NLGN1: variants seen among roughly 807,000 people sequenced by gnomAD.
NLGN1 encodes neuroligin-1.
In NLGN1, 12 loss-of-function variants were observed where a neutral mutation model predicts 65.5. The observed-to-expected ratio is 0.18, with a 90% CI of 0.12 to 0.30. The LOEUF (loss-of-function observed/expected upper bound fraction) is 0.30. NLGN1 is among the 10% of genes least tolerant of loss of function. The pLI, the probability that NLGN1 is intolerant of heterozygous loss-of-function variation, is 1.00. For missense variants in NLGN1, 750 were observed against 1,007.1 expected (o/e 0.74, Z 3.46); for synonymous variants, 350 against 359.5 (o/e 0.97, Z 0.30).
intron 1 of NLGN1, among the ~76,000 whole-genome samples, chr3:173,431,977 A>T (rs1286239408): frequency 6.6e-6 from 1 of 152,190 alleles, no homozygotes; most frequent in Non-Finnish European, 1.5e-5. Flanking sequence ...CTGAAATCAT[A>T]TGGTGGGTAA....
intron 2 of NLGN1, among the ~76,000 whole-genome samples, chr3:173,446,993 A>T (rs183158540): frequency 0.017 from 2,631 of 151,714 alleles, 84 homozygotes; most frequent in African/African-American, 0.058. Context: ...GGTTGCAAAA[A>T]TTTTCTCCCA....
downstream of NLGN1, among the ~76,000 whole-genome samples, chr3:174,288,808 C>G (rs1030612387): frequency 6.6e-6 from 1 of 151,440 alleles, no homozygotes; most frequent in Non-Finnish European, 1.5e-5. Flanking sequence ...ATATAACTTG[C>G]AATACTATTA....
chr3:173,987,683 G>A (rs1167260188), intron 4 of NLGN1, among the ~76,000 whole-genome samples: 1 of 152,028 alleles, frequency 6.6e-6, no homozygotes, highest in Non-Finnish European at 1.5e-5. Flanking sequence ...AAGTCACTCG[G>A]TACCCTTCTG....
At chr3:173,637,447 C>G (rs1311980878) in intron 3 of NLGN1, among the ~76,000 whole-genome samples, 1 of 152,092 alleles carries the variant, frequency 6.6e-6, no homozygotes, top group Non-Finnish European at 1.5e-5. Context: ...ATTTTTACCA[C>G]TATTTCTTTC....
intron 3 of NLGN1, among the ~76,000 whole-genome samples, chr3:173,730,599 G>T (rs1340426692): frequency 6.6e-6 from 1 of 151,918 alleles, no homozygotes; most frequent in East Asian, 1.9e-4. Flanking sequence ...AGTAGCTAGT[G>T]GTCACTGTAC....
At chr3:173,789,469 C>T (rs562401178) in intron 3 of NLGN1, among the ~76,000 whole-genome samples, 1 of 152,294 alleles carries the variant, frequency 6.6e-6, no homozygotes, top group African/African-American at 2.4e-5. Flanking sequence ...TTTGATCCTA[C>T]CACAATCTCC....
In NLGN1 at chr3:173,762,378, C is replaced by G. The variant is rs1469652311; in HGVS notation, c.494-45302C>G. ...GGGATCTGCTATAAAAGTGACGATGCAAACACATATCTGTACCTTTAAAAT... is the reference window on the plus strand; with the variant it reads ...GGGATCTGCTATAAAAGTGACGATGGAAACACATATCTGTACCTTTAAAAT... On this transcript the variant is annotated intron_variant, in intron 3 of 6. Coordinates refer to ENST00000457714, the Ensembl canonical transcript of NLGN1. Among the ~76,000 whole-genome samples the G allele has an allele frequency of 2.0e-5, 3 of 151,928 alleles. No homozygotes were observed. In the East Asian group the frequency reaches 5.8e-4, roughly 29 times the overall value.
At chr3:173,491,833 A>C (rs2149014644) in intron 2 of NLGN1, among the ~76,000 whole-genome samples, 1 of 151,894 alleles carries the variant, frequency 6.6e-6, no homozygotes, top group Middle Eastern at 3.4e-3. Context: ...ATAGAATCAC[A>C]TGCTGAAGCC....
At chr3:173,620,376 G>A (rs1753797967) in intron 3 of NLGN1, among the ~76,000 whole-genome samples, 2 of 152,128 alleles carry the variant, frequency 1.3e-5, no homozygotes, top group South Asian at 4.1e-4. Flanking sequence ...ATGACTCTAA[G>A]ATGTCTTACT....
At chr3:173,973,587 A>G (rs1384384184) in intron 4 of NLGN1, among the ~76,000 whole-genome samples, 1 of 152,116 alleles carries the variant, frequency 6.6e-6, no homozygotes, top group Non-Finnish European at 1.5e-5. Flanking sequence ...TTTCTTTGAG[A>G]AATAATGCTA....
chr3:173,839,720 C>A lies in NLGN1; in HGVS notation c.646+31888C>A, dbSNP rs976183473. Among the ~76,000 whole-genome samples, 4 of 152,200 alleles carry A rather than the reference C, an allele frequency of 2.6e-5. No individual in the cohort carries two copies. In the South Asian group the frequency reaches 6.2e-4, roughly 24 times the overall value. On this transcript the variant is annotated intron_variant, in intron 4 of 6. Coordinates refer to ENST00000457714, the Ensembl canonical transcript of NLGN1. ...ACAGGCGTGAGCCGCTGCGCCCAGCCGAGAAGTTTTTAAAGCTAGTGTGCA... is the reference window on the plus strand; with the variant it reads ...ACAGGCGTGAGCCGCTGCGCCCAGCAGAGAAGTTTTTAAAGCTAGTGTGCA...
intron 2 of NLGN1, among the ~76,000 whole-genome samples, chr3:173,575,417 G>T (rs1440202849): frequency 6.6e-6 from 1 of 151,876 alleles, no homozygotes. Flanking sequence ...CGTACTTTTG[G>T]TATTCTAAAT....
At chr3:174,213,009 A>G (rs149654184) in intron 4 of NLGN1, among the ~76,000 whole-genome samples, 1 of 152,212 alleles carries the variant, frequency 6.6e-6, no homozygotes, top group Non-Finnish European at 1.5e-5. Context: ...ATAATCCAGG[A>G]TACTATCCTT....
intron 4 of NLGN1, among the ~76,000 whole-genome samples, chr3:174,096,388 G>C (rs967639122): frequency 6.6e-6 from 1 of 151,864 alleles, no homozygotes; most frequent in African/African-American, 2.4e-5. Context: ...ATATAACCTA[G>C]TTATACTATA....
At chr3:174,108,336 C>T (rs1714424642) in intron 4 of NLGN1, among the ~76,000 whole-genome samples, 1 of 151,980 alleles carries the variant, frequency 6.6e-6, no homozygotes, top group African/African-American at 2.4e-5. Context: ...TGCTTGGTTG[C>T]CCCTTTCCTG....
At chr3:173,506,993 T>C (rs976868781) in intron 2 of NLGN1, among the ~76,000 whole-genome samples, 2 of 152,182 alleles carry the variant, frequency 1.3e-5, no homozygotes, top group Non-Finnish European at 2.9e-5. Flanking sequence ...CCTTACTTAA[T>C]GTGCAGTATT....
At chr3:173,837,009 T>C (rs983659117) in intron 4 of NLGN1, among the ~76,000 whole-genome samples, 8 of 152,178 alleles carry the variant, frequency 5.3e-5, no homozygotes, top group African/African-American at 1.7e-4. Context: ...ATAATATGTG[T>C]TATGAAAATC....
At chr3:173,578,099 G>C (rs1208198661) in intron 2 of NLGN1, among the ~76,000 whole-genome samples, 1 of 152,104 alleles carries the variant, frequency 6.6e-6, no homozygotes, top group Admixed American at 6.5e-5. Flanking sequence ...AGCTGGGCGT[G>C]GTGGCAGGCA....
At chr3:173,456,513 T>C (rs1331274592) in intron 2 of NLGN1, among the ~76,000 whole-genome samples, 1 of 152,194 alleles carries the variant, frequency 6.6e-6, no homozygotes, top group Admixed American at 6.5e-5. Context: ...TAAATAAGTG[T>C]AATGTGTTTA....
Sources: allele counts gnomAD v4.1 joint callset (sites outside exome capture counted in the v4.1 genomes callset), GRCh38; gene constraint gnomAD v4.1.1; transcripts MANE v1.5; gene names NCBI Gene and HGNC (gene_info 2026-07-23, HGNC 2026-07-21).